MGST2: variants seen among roughly 807,000 people sequenced by gnomAD.
MGST2 encodes the protein microsomal glutathione S-transferase 2.
Under a neutral mutation model 16.6 loss-of-function variants are expected in MGST2, and 9 were observed. That is an observed-to-expected ratio of 0.54 (90% confidence interval 0.33 to 0.95). The LOEUF (loss-of-function observed/expected upper bound fraction) is 0.95. Among genes scored for constraint, MGST2 ranks in the 40% least tolerant of loss-of-function variants. The pLI is 0.03. For missense variants in MGST2, 159 were observed against 175.1 expected (o/e 0.91, Z 0.52); for synonymous variants, 79 against 68.0 (o/e 1.16, Z -0.79).
chr4:139,743,161 C>T (rs1579383653), downstream of MGST2, among the ~76,000 whole-genome samples: 3 of 152,224 alleles, frequency 2.0e-5, no homozygotes, highest in South Asian at 4.1e-4. Context: ...CACATATACA[C>T]GTCTCCACCT....
intron 5 of MGST2, chr4:139,716,981 A>G (rs1727997449): frequency 6.6e-6 from 1 of 152,622 alleles, no homozygotes; most frequent in African/African-American, 2.4e-5. Flanking sequence ...GTGCAATACC[A>G]CTGCTGTGAT....
At chr4:139,702,950 G>A (rs1727354993) in intron 3 of MGST2, among the ~76,000 whole-genome samples, 1 of 146,302 alleles carries the variant, frequency 6.8e-6, no homozygotes, top group Non-Finnish European at 1.5e-5. Context: ...TTTTCAGATG[G>A]AGTCTCAATT....
At chr4:139,691,666 A>AGATGAT (rs376635466) in intron 2 of MGST2, among the ~76,000 whole-genome samples, 3 of 144,018 alleles carry the variant, frequency 2.1e-5, no homozygotes, top group South Asian at 2.4e-4. Context: ...ACTGGCAGTC[A>AGATGAT]GATGATGATG....
intron 1 of MGST2, among the ~76,000 whole-genome samples, chr4:139,673,228 G>A (rs1041853168): frequency 2.3e-4 from 35 of 152,114 alleles, no homozygotes; most frequent in African/African-American, 6.5e-4. Context: ...CGAAATAATA[G>A]TTACTGTAAC....
chr4:139,744,572 G>A (rs80091096), downstream of MGST2, among the ~76,000 whole-genome samples: 2,429 of 152,180 alleles, frequency 0.016, 71 homozygotes, highest in African/African-American at 0.056. Flanking sequence ...TGCTATTAAA[G>A]TTTGCTTTCA....
chr4:139,745,794 G>A, the MGST2 span, among the ~76,000 whole-genome samples: 1 of 152,096 alleles, frequency 6.6e-6, no homozygotes, highest in African/African-American at 2.4e-5. Context: ...ATACCACCTG[G>A]TTTTTGACAG....
Position 139,735,664 on chromosome 4 carries a change from G to T in MGST2, c.*49-4548G>T, listed in dbSNP as rs1728909600. 6.6e-6 allele frequency among the ~76,000 whole-genome samples: 1 copy of T among 152,202 alleles called. No homozygotes were observed. On this transcript the variant is annotated intron_variant, in intron 5 of 5. Transcript: ENST00000616265. The surrounding 1 kb of genome is among the most constrained non-coding windows in gnomAD (Gnocchi z 5.8). Reference sequence around the variant, plus strand: ...ACGAACAACCTAAATGAAATTTAGGGTTTTATTGAAAAAGTCCCCTGGGGC... The same window carrying T: ...ACGAACAACCTAAATGAAATTTAGGTTTTTATTGAAAAAGTCCCCTGGGGC...
chr4:139,688,695 T>A (rs1726390450), intron 2 of MGST2, among the ~76,000 whole-genome samples: 1 of 152,246 alleles, frequency 6.6e-6, no homozygotes, highest in Non-Finnish European at 1.5e-5. Flanking sequence ...TGTGGGCAAC[T>A]GGCTTTTGTA....
chr4:139,683,942 T>TTG (rs1731409350), intron 2 of MGST2, among the ~76,000 whole-genome samples: 1 of 136,874 alleles, frequency 7.3e-6, no homozygotes, highest in Non-Finnish European at 1.5e-5. Context: ...TTTTTTTTTT[T>TTG]GAGATGGAGT....
intron 3 of MGST2, among the ~76,000 whole-genome samples, chr4:139,702,867 T>TTTTC (rs767366469): frequency 1.5e-5 from 2 of 132,454 alleles, no homozygotes; most frequent in African/African-American, 5.4e-5. Flanking sequence ...TTTTTTTTTT[T>TTTTC]TTTACAATTT....
At position 139,665,942 on chromosome 4, in the gene MGST2, GA is replaced by G; in HGVS notation, c.-77del. 1 of 1,451,904 alleles carries G rather than the reference GA, an allele frequency of 6.9e-7. No homozygotes were observed. Among genetic ancestry groups the G allele is most frequent in the African/African-American group, 1.4e-5 (1 of 71,942 alleles). The allele number at this position is 1,451,904 out of a possible 1,614,324, so 89.9% of individuals were successfully genotyped here. On this transcript the variant is annotated 5_prime_UTR_variant, in exon 1 of 5. Transcript: ENST00000265498. ...ACCCGGTCCCCAACTTTGTTTACCCGATAAGGAAGGTCAGCATTCAAAGTCA... is the reference window on the plus strand; with the variant it reads ...ACCCGGTCCCCAACTTTGTTTACCCGTAAGGAAGGTCAGCATTCAAAGTCA...
chr4:139,725,221 C>G lies in MGST2; in HGVS notation c.*49-14991C>G, dbSNP rs746465601. Among the ~76,000 whole-genome samples the G allele has an allele frequency of 6.8e-4, 104 of 152,268 alleles. 1 individual carries two copies. Among genetic ancestry groups the G allele is most frequent in the Non-Finnish European group, 5.6e-4 (38 of 68,022 alleles). On this transcript the variant is annotated intron_variant, in intron 5 of 5. Coordinates refer to the MGST2 transcript ENST00000616265. ...GATCAGTTCAATCAGCCTCAAGGCC[C>G]TATTTGTCTTCTACATTCAAAAGAG...
chr4:139,750,319 T>C, the MGST2 span, among the ~76,000 whole-genome samples: 11 of 152,178 alleles, frequency 7.2e-5, no homozygotes, highest in African/African-American at 2.7e-4. Flanking sequence ...TGGGTCACTC[T>C]CTAGCTTCAA....
chr4:139,723,306 GTTTT>G (rs954168316), intron 5 of MGST2, among the ~76,000 whole-genome samples: 1 of 151,564 alleles, frequency 6.6e-6, no homozygotes, highest in Non-Finnish European at 1.5e-5. Context: ...TTTGTCTCTG[GTTTT>G]TTTTGTTTCT....
intron 2 of MGST2, among the ~76,000 whole-genome samples, chr4:139,689,968 T>G (rs933342138): frequency 3.3e-5 from 5 of 152,204 alleles, no homozygotes; most frequent in Admixed American, 6.5e-5. Flanking sequence ...TGTTTATACT[T>G]ATTCTTAAAA....
the MGST2 span, among the ~76,000 whole-genome samples, chr4:139,749,779 A>G: frequency 6.6e-6 from 1 of 152,200 alleles, no homozygotes; most frequent in Non-Finnish European, 1.5e-5. Context: ...GATGAATAAT[A>G]CAGAGTTTTG....
chr4:139,748,389 A>AG, the MGST2 span, among the ~76,000 whole-genome samples: 763 of 152,334 alleles, frequency 5.0e-3, 23 homozygotes, highest in Admixed American at 0.046. Context: ...GAATACCAGG[A>AG]GGAGGGTCTA....
At position 139,698,658 on chromosome 4, in the gene MGST2, A is replaced by G. The variant is rs546275197; in HGVS notation, c.229+3391A>G. 11 of 748,920 alleles carry G rather than the reference A, an allele frequency of 1.5e-5. No homozygotes were observed. In the East Asian group the frequency reaches 2.6e-4, roughly 18 times the overall value. 46.4% of individuals were successfully genotyped at this position (748,920 alleles called of 1,614,324 possible). On this transcript the variant is annotated intron_variant, in intron 3 of 4. Coordinates refer to ENST00000265498, the MANE Select transcript of MGST2 (RefSeq NM_002413.5). ...AGCCAAGTATGTGTTTCTTATAGCAATCCTGCTCCCACATAAAAGCTGCAT... is the reference window on the plus strand; with the variant it reads ...AGCCAAGTATGTGTTTCTTATAGCAGTCCTGCTCCCACATAAAAGCTGCAT...
chr4:139,730,454 GCTGC>G, intron 5 of MGST2: 1 of 1,552,022 alleles, frequency 6.4e-7, no homozygotes, highest in Non-Finnish European at 8.7e-7. Context: ...TGCTGCTGCT[GCTGC>G]CTTTGCTCCC....
Sources: gnomAD v4.1 joint callset for allele counts (sites outside exome capture counted in the v4.1 genomes callset) on GRCh38, gnomAD v4.1.1 for gene constraint, Gnocchi (gnomAD v3.1) non-coding constraint, MANE v1.5 for transcripts, NCBI Gene and HGNC (gene_info 2026-07-23, HGNC 2026-07-21) for gene names.